The following TASOR variants were observed in gnomAD, a reference collection of about 807,000 sequenced individuals.
TASOR encodes transcription activation suppressor.
TASOR carries 53 observed loss-of-function variants against 178.6 expected under a neutral mutation model. That is an observed-to-expected ratio of 0.30 (90% CI 0.24 to 0.37). TASOR has a LOEUF of 0.37. Ranked by LOEUF, TASOR falls within the 10% of genes least tolerant of loss-of-function variation. TASOR has a pLI of 1.00. For missense variants in TASOR, 1,815 were observed against 1,971.4 expected, an observed-to-expected ratio of 0.92 and a Z score of 1.50; for synonymous variants, 713 against 696.2, an observed-to-expected ratio of 1.02 and a Z score of -0.38.
rs562741400 is a variant in TASOR at position 56,671,562 on chromosome 3, C to T, written c.570+38G>A. The T allele has an allele frequency of 8.1e-5, 114 of 1,402,578 alleles. 1 individual carries two copies. The Admixed American group carries it at 2.4e-3, about 30-fold the overall frequency. The allele number at this position is 1,402,578 out of a possible 1,614,324, so 86.9% of individuals were successfully genotyped here. A position where few individuals can be genotyped will look rare whatever the true frequency, so the allele number is the denominator to read the frequency against. On this transcript the variant is annotated intron_variant, in intron 3 of 23. Transcript: ENST00000683822. The stretch of plus-strand genomic sequence containing the variant: ...CAAAATTAGTAACTTACAATGGAAA[C>T]ATCCCCAAATTGTTTTTTATAAAAT...
chr3:56,643,015 G>A (rs1016091436), intron 14 of TASOR, among the ~76,000 whole-genome samples: 2 of 151,668 alleles, frequency 1.3e-5, no homozygotes, highest in African/African-American at 4.8e-5. Flanking sequence ...TGTAATCTCA[G>A]CACTTTGGAA....
At chr3:56,670,610 ATAT>A (rs2030580520) in intron 3 of TASOR, among the ~76,000 whole-genome samples, 1 of 152,184 alleles carries the variant, frequency 6.6e-6, no homozygotes, top group African/African-American at 2.4e-5. Context: ...AAACAGCAAA[ATAT>A]TATTCCACCT....
chr3:56,667,760 A>AC lies in TASOR; in HGVS notation c.897+636dup, dbSNP rs772724312. Among the ~76,000 whole-genome samples, 5 of 152,144 alleles carry AC rather than the reference A, an allele frequency of 3.3e-5. No homozygotes were observed. In the East Asian group the frequency reaches 7.7e-4, roughly 23 times the overall value. ...AGACCAGCCTGGGCAAAACAGGGAG[A>AC]CCCCCATCTCTATTTAAAAAGACAA... On this transcript the variant is annotated intron_variant, in intron 6 of 23. Coordinates refer to ENST00000683822, the MANE Select transcript of TASOR (RefSeq NM_001365635.2).
At chr3:56,637,047 A>G (rs1395880492) in intron 17 of TASOR, among the ~76,000 whole-genome samples, 1 of 152,164 alleles carries the variant, frequency 6.6e-6, no homozygotes, top group Non-Finnish European at 1.5e-5. Flanking sequence ...GGACTCCCTG[A>G]CACGATATTG....
chr3:56,662,635 A>G (rs1027362133), intron 8 of TASOR, 145 bp from the exon 9 acceptor site: 2 of 505,372 alleles, frequency 4.0e-6, no homozygotes, highest in Admixed American at 3.8e-5. Flanking sequence ...ACTCTTCTAC[A>G]CTTCTATTTA....
In TASOR at chr3:56,627,432, A is replaced by G; in HGVS notation, c.4030+150T>C. On this transcript the variant is annotated intron_variant, in intron 20 of 23. Coordinates refer to ENST00000683822, the MANE Select transcript of TASOR (RefSeq NM_001365635.2). ...CACATTTAGAGGATATTATTGGTCTAAGAGAAGGAGAAAGAAATTTGAGGT... is the reference window on the plus strand; with the variant it reads ...CACATTTAGAGGATATTATTGGTCTGAGAGAAGGAGAAAGAAATTTGAGGT... 4.6e-6 allele frequency: 4 copies of G among 878,304 alleles called. No homozygotes were observed. The South Asian group carries it at 6.3e-5, about 14-fold the overall frequency. 54.4% of individuals were successfully genotyped at this position (878,304 alleles called of 1,614,324 possible).
intron 14 of TASOR, among the ~76,000 whole-genome samples, chr3:56,642,662 AAG>A (rs1247167981): frequency 1.3e-5 from 2 of 152,168 alleles, no homozygotes; most frequent in African/African-American, 4.8e-5. Context: ...CTACCTAACA[AAG>A]AACACAAAGC....
Position 56,682,773 on chromosome 3 carries a change from A to G in TASOR, c.234T>C (p.Ser78=), listed in dbSNP as rs1445414045. The part of the protein sequence containing the change: ...SLSHEQPQDS[S]EAGAAALPRG... ...TGGGCAGGGCGGCCGCGCCCGCCTC[A>G]GAGGAGTCCTGAGGCTGCTCGTGGC... Residue 78 remains serine (S), a synonymous_variant, in exon 1 of 24, where the codon TCT becomes TCC. Transcript: ENST00000683822. 1 of 1,549,428 alleles carries G rather than the reference A, an allele frequency of 6.5e-7. No individual in the cohort carries two copies. The highest frequency in any genetic ancestry group is 2.4e-5 in the East Asian group (1 of 40,820).
Position 56,628,453 on chromosome 3 carries a change from T to A in TASOR, c.3870+39A>T, listed in dbSNP as rs761553696. ...CAGTAAGATTTTAAAATAAGGGAGTTTTTAAAACCAAAGTAGTGAATTTGA... is the reference window on the plus strand; with the variant it reads ...CAGTAAGATTTTAAAATAAGGGAGTATTTAAAACCAAAGTAGTGAATTTGA... On this transcript the variant is annotated intron_variant, in intron 19 of 23. Coordinates refer to ENST00000683822, the MANE Select transcript of TASOR (RefSeq NM_001365635.2). 6 of 1,572,330 alleles carry A rather than the reference T, an allele frequency of 3.8e-6. No homozygotes were observed. The African/African-American group carries it at 8.2e-5, about 22-fold the overall frequency.
chr3:56,647,783 C>T (rs1174907879), intron 13 of TASOR, among the ~76,000 whole-genome samples: 2 of 152,198 alleles, frequency 1.3e-5, no homozygotes, highest in Non-Finnish European at 2.9e-5. Context: ...CAAATCTTGT[C>T]TTATATCAGT....
At chr3:56,669,657 C>A (rs1220926487) in intron 5 of TASOR, 43 bp downstream of exon 5, 1 of 1,223,682 alleles carries the variant, frequency 8.2e-7, no homozygotes, top group African/African-American at 1.5e-5. Flanking sequence ...AAATCCAAAT[C>A]AAGTGTAGTT....
rs566884648 is a variant in TASOR, at chr3:56,655,013, G to C, written c.1368+5718C>G. 6.0e-4 allele frequency among the ~76,000 whole-genome samples: 92 copies of C among 152,126 alleles called. No individual in the cohort carries two copies. The Middle Eastern group carries it at 0.014, about 22-fold the overall frequency. On this transcript the variant is annotated intron_variant, in intron 11 of 23. Coordinates refer to ENST00000683822, the MANE Select transcript of TASOR (RefSeq NM_001365635.2). ...CATACCACCCCCACCATAAACTATT[G>C]GTTCTGTTTCTCTGCAGAACCCAAA...
At chr3:56,676,604 A>C (rs2031319840) in intron 1 of TASOR, among the ~76,000 whole-genome samples, 1 of 152,224 alleles carries the variant, frequency 6.6e-6, no homozygotes. Flanking sequence ...TTCTAAACAA[A>C]ATGACTTCAG....
chr3:56,675,263 G>C (rs796765915), intron 1 of TASOR, among the ~76,000 whole-genome samples: 1 of 151,230 alleles, frequency 6.6e-6, no homozygotes, highest in Admixed American at 6.6e-5. Flanking sequence ...CAACCTCCGC[G>C]CCTCCCAGGT....
Position 56,646,736 on chromosome 3 carries a change from C to A in TASOR, c.2001G>T (p.Lys667Asn). Residue 667 changes from lysine (K) to asparagine (N), a missense_variant, in exon 14 of 24, where the codon AAG becomes AAT. This residue lies in a region of TASOR where 504 missense variants were observed against 645.3 expected (regional missense o/e 0.78). Transcript: ENST00000683822. ...AATCCAAAGAATGAGATGATCTTTGCTTTCCAGATATAATGGCTTCACCTC... is the reference window on the plus strand; with the variant it reads ...AATCCAAAGAATGAGATGATCTTTGATTTCCAGATATAATGGCTTCACCTC... ...NSRGEAIISG[K>N]QRSSHSLDYD... 7 of 1,613,834 alleles carry A rather than the reference C, an allele frequency of 4.3e-6. No individual in the cohort carries two copies. Among genetic ancestry groups the A allele is most frequent in the Non-Finnish European group, 5.9e-6 (7 of 1,179,916 alleles).
At chr3:56,629,926 A>G (rs1351117449) in intron 18 of TASOR, among the ~76,000 whole-genome samples, 1 of 151,916 alleles carries the variant, frequency 6.6e-6, no homozygotes, top group Non-Finnish European at 1.5e-5. Flanking sequence ...CAGCTTAGTC[A>G]GTTAATGAAA....
intron 17 of TASOR, among the ~76,000 whole-genome samples, chr3:56,636,445 A>G (rs2077019166): frequency 6.6e-6 from 1 of 151,488 alleles, no homozygotes; most frequent in South Asian, 2.1e-4. Context: ...TCGCTCTGCC[A>G]CCAGGCTGGA....
At chr3:56,639,260 A>T (rs1460306178) in intron 16 of TASOR, among the ~76,000 whole-genome samples, 1 of 152,158 alleles carries the variant, frequency 6.6e-6, no homozygotes, top group Non-Finnish European at 1.5e-5. Context: ...TGTTTTTAAA[A>T]GGTTAGAGGT....
At chr3:56,671,102 A>G (rs1352189831) in intron 3 of TASOR, among the ~76,000 whole-genome samples, 1 of 151,882 alleles carries the variant, frequency 6.6e-6, no homozygotes, top group Non-Finnish European at 1.5e-5. Context: ...GCACTTTGGG[A>G]GGCCGAGGTG....
Sources: allele counts gnomAD v4.1 joint callset (sites outside exome capture counted in the v4.1 genomes callset), GRCh38; gene constraint gnomAD v4.1.1; regional missense constraint gnomAD v4.1.1; transcripts MANE v1.5; gene names NCBI Gene and HGNC (gene_info 2026-07-23, HGNC 2026-07-21).